Variants in IPO5 observed in about 807,000 individuals in gnomAD.
The protein encoded by IPO5 is importin-5.
In IPO5, 18 loss-of-function variants were observed where a neutral mutation model predicts 143.3. The ratio of observed to expected loss-of-function variants is 0.13; its 90% CI spans 0.09 to 0.19. The LOEUF is 0.19. Ranked by LOEUF, IPO5 falls within the 10% of genes least tolerant of loss-of-function variation. The pLI, the probability that IPO5 is intolerant of heterozygous loss-of-function variation, is 1.00. For missense variants in IPO5, 1,013 were observed against 1,336.9 expected (o/e 0.76, Z 3.78); for synonymous variants, 477 against 465.7 (o/e 1.02, Z -0.31).
intron 12 of IPO5, 106 bp downstream of exon 12, chr13:97,997,724 A>T: frequency 2.0e-6 from 1 of 503,692 alleles, no homozygotes; most frequent in Non-Finnish European, 3.5e-6. Context: ...TAAGCCTGGA[A>T]TATGGGGCAC....
rs573432091 is a variant in IPO5 at position 97,957,885 on chromosome 13, C to T, written c.-113+3687C>T. Among the ~76,000 whole-genome samples, 7 of 151,680 alleles carry T rather than the reference C, an allele frequency of 4.6e-5. No homozygotes were observed. The East Asian group carries it at 5.8e-4, about 13-fold the overall frequency. On this transcript the variant is annotated intron_variant, in intron 2 of 28. Coordinates refer to ENST00000651721, the MANE Select transcript of IPO5 (RefSeq NM_002271.6). The stretch of plus-strand genomic sequence containing the variant: ...CTGTAATCCCAGCTACTCTAGAGGC[C>T]GAGACAGCAGAATCGCTTGAACCCA...
chr13:97,981,433 T>C (rs1290819308), intron 4 of IPO5: 1 of 309,686 alleles, frequency 3.2e-6, no homozygotes, highest in Non-Finnish European at 6.3e-6. Flanking sequence ...TTTATTTCCT[T>C]ATCTGTTAAT....
intron 17 of IPO5, among the ~76,000 whole-genome samples, chr13:98,007,771 A>G (rs768940222): frequency 6.6e-6 from 1 of 152,202 alleles, no homozygotes; most frequent in Non-Finnish European, 1.5e-5. Context: ...TTCTTTCTGA[A>G]TTTGAATTCA....
chr13:98,020,834 T>C (rs1342927012), intron 27 of IPO5, among the ~76,000 whole-genome samples, 158 bp from the exon 28 acceptor site: 1 of 152,198 alleles, frequency 6.6e-6, no homozygotes, highest in Non-Finnish European at 1.5e-5. Flanking sequence ...CCCAGTATTT[T>C]TTTTTTCTAA....
chr13:97,979,711 T>G (rs1014948810), intron 4 of IPO5, among the ~76,000 whole-genome samples: 4 of 152,204 alleles, frequency 2.6e-5, no homozygotes, highest in Non-Finnish European at 5.9e-5. Flanking sequence ...TGAGTGTTTT[T>G]TGTAGAGACA....
intron 5 of IPO5, among the ~76,000 whole-genome samples, chr13:97,983,157 C>T (rs1005789816): frequency 1.3e-5 from 2 of 152,206 alleles, no homozygotes; most frequent in East Asian, 1.9e-4. Flanking sequence ...AGGCATGAGC[C>T]GCCACGCCCA....
At chr13:97,997,215 C>G (rs1888367207) in intron 11 of IPO5, among the ~76,000 whole-genome samples, 3 of 152,018 alleles carry the variant, frequency 2.0e-5, no homozygotes, top group Non-Finnish European at 2.9e-5. Context: ...ATCTGTAGTT[C>G]AAGTGTGAAA....
rs1890633462 is a variant in IPO5, at chr13:98,023,979, C to G, written c.*2157C>G. On this transcript the variant is annotated 3_prime_UTR_variant, in exon 29 of 29. Coordinates refer to ENST00000651721, the MANE Select transcript of IPO5 (RefSeq NM_002271.6). Reference sequence around the variant, plus strand: ...GAAAATCCATGGAGTTTTTTCTTGGCTTTTGTACCAAATTTAGGGGTCTTG... The same window carrying G: ...GAAAATCCATGGAGTTTTTTCTTGGGTTTTGTACCAAATTTAGGGGTCTTG... 1 of 152,166 alleles carries G rather than the reference C, an allele frequency of 6.6e-6. No individual in the cohort carries two copies. The highest frequency in any genetic ancestry group is 1.9e-4 in the East Asian group (1 of 5,180). The allele number at this position is 152,166 out of a possible 1,614,324, so 9.4% of individuals were successfully genotyped here. A position where few individuals can be genotyped will look rare whatever the true frequency, so the allele number is the denominator to read the frequency against.
At chr13:97,968,669 A>T (rs1885554771) in intron 2 of IPO5, among the ~76,000 whole-genome samples, 2 of 152,134 alleles carry the variant, frequency 1.3e-5, no homozygotes, top group South Asian at 4.1e-4. Flanking sequence ...GTCTAAAATT[A>T]AGAGAGCCAT....
intron 9 of IPO5, 147 bp downstream of exon 9, chr13:97,990,684 A>G (rs1172841951): frequency 2.0e-6 from 1 of 507,848 alleles, no homozygotes; most frequent in East Asian, 3.3e-5. Context: ...CTCAGTCTCC[A>G]TTAAGCTTAT....
rs766191978 is a variant in IPO5 at position 98,020,976 on chromosome 13, T to A, written c.3066-16T>A. 1 of 1,595,724 alleles carries A rather than the reference T, an allele frequency of 6.3e-7. No individual in the cohort carries two copies. Among genetic ancestry groups the A allele is most frequent in the Non-Finnish European group, 8.5e-7 (1 of 1,169,746 alleles). The stretch of plus-strand genomic sequence containing the variant: ...TTATAAATTTCACTTACTAAGGTTT[T>A]CTTCTCATTTGTCAGTAATCATCCA... On this transcript the variant is annotated splice_polypyrimidine_tract_variant and intron_variant, in intron 27 of 28. Coordinates refer to ENST00000651721, the MANE Select transcript of IPO5 (RefSeq NM_002271.6).
At chr13:97,981,522 T>G (rs1886845029) in intron 4 of IPO5, 2 of 254,874 alleles carry the variant, frequency 7.8e-6, no homozygotes, top group South Asian at 8.3e-5. Flanking sequence ...TTTCCTCCCT[T>G]GTCACTTTGT....
At chr13:97,973,420 G>A (rs1443388652) in intron 3 of IPO5, among the ~76,000 whole-genome samples, 1 of 152,164 alleles carries the variant, frequency 6.6e-6, no homozygotes, top group Non-Finnish European at 1.5e-5. Context: ...GCTTCTAAGT[G>A]CAGTAAACTT....
At position 98,003,053 on chromosome 13, in the gene IPO5, T is replaced by C. The variant is rs1238632703; in HGVS notation, c.1497+16T>C. 6.3e-7 allele frequency: 1 copy of C among 1,580,932 alleles called. No individual in the cohort carries two copies. The highest frequency in any genetic ancestry group is 8.6e-7 in the Non-Finnish European group (1 of 1,163,062). ...GCTTCAAGAGGTAAGTTTTAAGATC[T>C]GTAGGCTGCTTTCTGTTTGTAGATT... On this transcript the variant is annotated intron_variant, in intron 16 of 28. Coordinates refer to ENST00000651721, the MANE Select transcript of IPO5 (RefSeq NM_002271.6).
intron 6 of IPO5, chr13:97,986,961 G>A (rs940931675): frequency 7.2e-5 from 11 of 152,878 alleles, no homozygotes; most frequent in African/African-American, 2.7e-4. Context: ...GTTTGATGAT[G>A]AGCCTTTTGA....
chr13:97,956,165 T>TA (rs1485074625), intron 2 of IPO5, among the ~76,000 whole-genome samples: 1 of 149,144 alleles, frequency 6.7e-6, no homozygotes, highest in Admixed American at 6.7e-5. Flanking sequence ...AAGTAAAAAA[T>TA]AAAAATAATA....
At chr13:97,968,822 CAG>C in intron 2 of IPO5, among the ~76,000 whole-genome samples, 1 of 151,918 alleles carries the variant, frequency 6.6e-6, no homozygotes, top group African/African-American at 2.4e-5. Flanking sequence ...TCCCAGGTAA[CAG>C]AGTACAGCCG....
chr13:98,000,139 G>A (rs564124117), intron 12 of IPO5, among the ~76,000 whole-genome samples: 2 of 152,214 alleles, frequency 1.3e-5, no homozygotes, highest in Non-Finnish European at 2.9e-5. Context: ...AAAAAAATTA[G>A]CCAGGCGTGG....
intron 3 of IPO5, chr13:97,975,853 G>A: frequency 2.1e-6 from 2 of 937,982 alleles, no homozygotes; most frequent in Non-Finnish European, 2.5e-6. Flanking sequence ...CGGCCTGGCG[G>A]GACAGCCCCG....
Sources: allele counts gnomAD v4.1 joint callset (sites outside exome capture counted in the v4.1 genomes callset), GRCh38; gene constraint gnomAD v4.1.1; transcripts MANE v1.5; gene names NCBI Gene and HGNC (gene_info 2026-07-23, HGNC 2026-07-21).